The following NKAIN3 variants were observed in gnomAD, a reference collection of about 807,000 sequenced individuals.
The protein encoded by NKAIN3 is sodium/potassium transporting ATPase interacting 3, also known as sodium/potassium-transporting ATPase subunit beta-1-interacting protein 3.
A neutral mutation model predicts 30.2 loss-of-function variants in NKAIN3; 25 were observed. That is an observed-to-expected ratio of 0.83 (90% CI 0.60 to 1.16). The LOEUF (loss-of-function observed/expected upper bound fraction) is 1.16, where lower values mean the gene tolerates loss of function less well. Among genes scored for constraint, NKAIN3 ranks in the 50% most tolerant of loss-of-function variants. The pLI is 0.00. For synonymous variants in NKAIN3, 91 were observed against 89.6 expected (o/e 1.02, Z -0.09); for missense variants, 225 against 254.1 (o/e 0.89, Z 0.78).
At chr8:62,851,675 G>C (rs1447755835) in intron 4 of NKAIN3, among the ~76,000 whole-genome samples, 1 of 152,106 alleles carries the variant, frequency 6.6e-6, no homozygotes, top group Non-Finnish European at 1.5e-5. Context: ...AAGCATTGTT[G>C]AATTTTGTCA....
At chr8:62,750,236 G>A (rs1816232827) in intron 4 of NKAIN3, among the ~76,000 whole-genome samples, 1 of 152,002 alleles carries the variant, frequency 6.6e-6, no homozygotes, top group African/African-American at 2.4e-5. Flanking sequence ...GGGAGGGACT[G>A]ACGGAGGTGG....
At chr8:62,683,012 TG>T (rs886640812) in intron 3 of NKAIN3, among the ~76,000 whole-genome samples, 96 of 149,384 alleles carry the variant, frequency 6.4e-4, no homozygotes, top group African/African-American at 2.3e-3. Context: ...TGTCAGGTTT[TG>T]TTTGTTTGTT....
intron 1 of NKAIN3, chr8:62,344,990 T>G (rs924461204): frequency 1.6e-5 from 4 of 245,002 alleles, no homozygotes; most frequent in Non-Finnish European, 3.2e-5. Flanking sequence ...ATCAGTGTTT[T>G]ATGGTATTCA....
intron 1 of NKAIN3, among the ~76,000 whole-genome samples, chr8:62,533,172 A>G (rs998051486): frequency 2.0e-5 from 3 of 152,192 alleles, no homozygotes; most frequent in African/African-American, 7.2e-5. Context: ...TTTGGGGAGG[A>G]AACTGTAAGT....
At chr8:62,613,021 T>TA in intron 3 of NKAIN3, among the ~76,000 whole-genome samples, 1 of 145,776 alleles carries the variant, frequency 6.9e-6, no homozygotes, top group Non-Finnish European at 1.5e-5. Flanking sequence ...GTTCACTATT[T>TA]TGTCTTTCTA....
rs191138323 is a variant in NKAIN3 at position 62,451,920 on chromosome 8, G to A, written c.55-127619G>A. Among the ~76,000 whole-genome samples, 84 of 152,282 alleles carry A rather than the reference G, an allele frequency of 5.5e-4. No homozygotes were observed. In the Middle Eastern group the frequency reaches 0.014, roughly 25 times the overall value. ...ATGAAAGATTCCACAGCTGCTTTCA[G>A]AACATTACCTTTATATGTAGACTGC... On this transcript the variant is annotated intron_variant, in intron 1 of 6. Coordinates refer to ENST00000623646, the MANE Select transcript of NKAIN3 (RefSeq NM_001304533.3).
chr8:62,584,869 C>T (rs751642606), intron 2 of NKAIN3, among the ~76,000 whole-genome samples: 1 of 152,168 alleles, frequency 6.6e-6, no homozygotes, highest in South Asian at 2.1e-4. Context: ...CTGTCTTGCC[C>T]CATTCAACAA....
intron 1 of NKAIN3, among the ~76,000 whole-genome samples, chr8:62,394,837 G>C (rs1018308643): frequency 2.7e-5 from 4 of 148,638 alleles, no homozygotes; most frequent in African/African-American, 1.0e-4. Flanking sequence ...CGGCCAAGCA[G>C]AGGCGCTGCT....
intron 1 of NKAIN3, among the ~76,000 whole-genome samples, chr8:62,375,571 A>T (rs1817051455): frequency 6.6e-6 from 1 of 152,154 alleles, no homozygotes; most frequent in South Asian, 2.1e-4. Context: ...TCATAAGCGT[A>T]AATACTACTA....
chr8:62,887,544 G>A (rs371851990), intron 4 of NKAIN3, among the ~76,000 whole-genome samples: 2 of 151,774 alleles, frequency 1.3e-5, no homozygotes, highest in South Asian at 4.2e-4. Flanking sequence ...TAAATAACCT[G>A]TTCTTGTTTT....
chr8:62,288,690 C>T (rs547283586), intron 1 of NKAIN3, among the ~76,000 whole-genome samples: 4 of 152,198 alleles, frequency 2.6e-5, no homozygotes, highest in East Asian at 1.9e-4. Context: ...TGAATAGTGC[C>T]GCAATAAACA....
chr8:62,460,411 C>T (rs1245168391), intron 1 of NKAIN3, among the ~76,000 whole-genome samples: 1 of 120,306 alleles, frequency 8.3e-6, no homozygotes, highest in African/African-American at 3.2e-5. Flanking sequence ...AATTCCATCT[C>T]AAAAAAAAAA....
At chr8:62,499,110 G>C (rs1807334604) in intron 1 of NKAIN3, among the ~76,000 whole-genome samples, 1 of 152,118 alleles carries the variant, frequency 6.6e-6, no homozygotes, top group Non-Finnish European at 1.5e-5. Flanking sequence ...GTCAGATTGT[G>C]CCATGTGATT....
intron 6 of NKAIN3, among the ~76,000 whole-genome samples, chr8:62,958,706 TAG>T (rs1823489546): frequency 6.6e-6 from 1 of 152,168 alleles, no homozygotes; most frequent in Non-Finnish European, 1.5e-5. Flanking sequence ...GAGAACAACA[TAG>T]TGAGCAACTA....
chr8:62,799,270 T>C (rs199656362), intron 4 of NKAIN3, among the ~76,000 whole-genome samples: 1 of 152,202 alleles, frequency 6.6e-6, no homozygotes, highest in South Asian at 2.1e-4. Flanking sequence ...CCACAAAGTG[T>C]GAGAAAATCT....
chr8:62,349,761 A>G (rs1173630497), intron 1 of NKAIN3, among the ~76,000 whole-genome samples: 4 of 152,152 alleles, frequency 2.6e-5, no homozygotes, highest in Non-Finnish European at 4.4e-5. Flanking sequence ...GCTTGTGCCA[A>G]CCAGAAGACA....
intron 1 of NKAIN3, among the ~76,000 whole-genome samples, chr8:62,308,110 T>C (rs1224114160): frequency 2.0e-5 from 3 of 150,572 alleles, no homozygotes; most frequent in African/African-American, 2.5e-5. Context: ...AGGTTAAAGC[T>C]GAAGCCAAAA....
intron 3 of NKAIN3, among the ~76,000 whole-genome samples, chr8:62,734,248 A>C (rs1249101063): frequency 6.6e-6 from 1 of 152,192 alleles, no homozygotes; most frequent in Admixed American, 6.5e-5. Flanking sequence ...GAGCCTCTGC[A>C]CTCCAGCCTG....
At chr8:62,934,352 T>G (rs996195061) in intron 5 of NKAIN3, among the ~76,000 whole-genome samples, 1 of 147,634 alleles carries the variant, frequency 6.8e-6, no homozygotes. Flanking sequence ...CAGTCCAGCC[T>G]GGACAACAAA....
Sources: allele counts gnomAD v4.1 joint callset (sites outside exome capture counted in the v4.1 genomes callset), GRCh38; gene constraint gnomAD v4.1.1; transcripts MANE v1.5; gene names NCBI Gene and HGNC (gene_info 2026-07-23, HGNC 2026-07-21).